Variants in SNTB1 observed in about 807,000 individuals in gnomAD.
The protein encoded by SNTB1 is syntrophin beta 1.
In SNTB1, 36 loss-of-function variants were observed where a neutral mutation model predicts 48.9. That is an observed-to-expected ratio of 0.74 (90% CI 0.56 to 0.97). The LOEUF is 0.97. SNTB1 is among the 50% of genes least tolerant of loss of function. SNTB1 has a pLI of 0.00. For synonymous variants in SNTB1, 299 were observed against 294.6 expected, an observed-to-expected ratio of 1.01 and a Z score of -0.15; for missense variants, 786 against 703.4, an observed-to-expected ratio of 1.12 and a Z score of -1.33.
At chr8:120,591,182 C>G (rs1002311996) in intron 3 of SNTB1, among the ~76,000 whole-genome samples, 3 of 152,178 alleles carry the variant, frequency 2.0e-5, no homozygotes, top group Admixed American at 2.0e-4. Context: ...GGATCATCAG[C>G]AAGTTCTGAA....
chr8:120,697,264 A>C (rs1385568905), intron 1 of SNTB1, among the ~76,000 whole-genome samples: 1 of 152,224 alleles, frequency 6.6e-6, no homozygotes, highest in Non-Finnish European at 1.5e-5. Context: ...ACTGCCTTGA[A>C]GAAGGGATAT....
chr8:120,654,931 A>C, intron 2 of SNTB1: 1 of 455,740 alleles, frequency 2.2e-6, no homozygotes, highest in Middle Eastern at 3.3e-4. Flanking sequence ...AGTCAGGAGG[A>C]TGAAGTCTTG....
chr8:120,597,103 A>T (rs1478909295), intron 3 of SNTB1, among the ~76,000 whole-genome samples: 3 of 152,204 alleles, frequency 2.0e-5, no homozygotes, highest in Non-Finnish European at 2.9e-5. Flanking sequence ...CAATCACAAG[A>T]GGGACATTTC....
chr8:120,651,748 C>T (rs764816696), intron 2 of SNTB1, among the ~76,000 whole-genome samples: 47 of 151,404 alleles, frequency 3.1e-4, no homozygotes, highest in Middle Eastern at 3.4e-3. Flanking sequence ...AAAAGGAAAA[C>T]GGAAAAAACT....
At chr8:120,555,165 G>A (rs886850507) in intron 4 of SNTB1, among the ~76,000 whole-genome samples, 20 of 152,282 alleles carry the variant, frequency 1.3e-4, no homozygotes, top group Non-Finnish European at 2.5e-4. Context: ...AGGAATATCC[G>A]GGGTTGTCCC....
chr8:120,686,562 T>C (rs1218292826), intron 2 of SNTB1, among the ~76,000 whole-genome samples: 2 of 146,316 alleles, frequency 1.4e-5, no homozygotes, highest in African/African-American at 5.0e-5. Flanking sequence ...CATTATTACG[T>C]TAAAGATTAG....
chr8:120,574,210 G>A (rs1453931780), intron 4 of SNTB1, among the ~76,000 whole-genome samples: 1 of 152,198 alleles, frequency 6.6e-6, no homozygotes, highest in African/African-American at 2.4e-5. Flanking sequence ...CCAGCGGGGA[G>A]AGGGAAATGG....
intron 1 of SNTB1, chr8:120,776,900 A>C (rs150687591): frequency 8.6e-4 from 131 of 152,348 alleles, no homozygotes; most frequent in African/African-American, 3.0e-3. Context: ...AAGCGTGCAG[A>C]TTAAAGTTCC....
intron 1 of SNTB1, among the ~76,000 whole-genome samples, chr8:120,726,991 A>G (rs933517811): frequency 6.6e-6 from 1 of 152,082 alleles, no homozygotes; most frequent in Admixed American, 6.5e-5. Flanking sequence ...TTCTTTTTGC[A>G]TTATGCTGCA....
chr8:120,621,848 C>A (rs886721772), intron 3 of SNTB1, among the ~76,000 whole-genome samples: 1 of 152,154 alleles, frequency 6.6e-6, no homozygotes, highest in African/African-American at 2.4e-5. Context: ...TGACTCAGAC[C>A]AAGTGCCTGG....
At chr8:120,721,034 A>G (rs1279472693) in intron 1 of SNTB1, among the ~76,000 whole-genome samples, 2 of 152,186 alleles carry the variant, frequency 1.3e-5, no homozygotes, top group African/African-American at 4.8e-5. Flanking sequence ...CAGCCTGGGT[A>G]GCCTCCCTGT....
chr8:120,760,897 A>T (rs1052148909), intron 1 of SNTB1, among the ~76,000 whole-genome samples: 4 of 152,260 alleles, frequency 2.6e-5, no homozygotes, highest in Admixed American at 1.3e-4. Context: ...GATATTTAAA[A>T]TTTTTTCTGC....
chr8:120,590,665 C>CTTTTG (rs1563825573), intron 3 of SNTB1, among the ~76,000 whole-genome samples: 2 of 145,874 alleles, frequency 1.4e-5, no homozygotes, highest in African/African-American at 5.3e-5. Flanking sequence ...AGGTTTCTTT[C>CTTTTG]TTTTGTTTTC....
chr8:120,712,684 A>T (rs184803210), intron 1 of SNTB1, among the ~76,000 whole-genome samples: 1 of 152,142 alleles, frequency 6.6e-6, no homozygotes, highest in African/African-American at 2.4e-5. Context: ...GCTTTTATTT[A>T]CCCTTTAACC....
At chr8:120,588,713 C>T (rs1816189779) in intron 3 of SNTB1, among the ~76,000 whole-genome samples, 1 of 152,170 alleles carries the variant, frequency 6.6e-6, no homozygotes, top group Non-Finnish European at 1.5e-5. Flanking sequence ...ATTACTTCTT[C>T]TCTGAGACTG....
At chr8:120,679,080 G>A (rs1303878850) in intron 2 of SNTB1, among the ~76,000 whole-genome samples, 1 of 152,168 alleles carries the variant, frequency 6.6e-6, no homozygotes, top group African/African-American at 2.4e-5. Flanking sequence ...TTCCCACTGG[G>A]TGCTAGGTCC....
chr8:120,605,701 A>G (rs1816502050), intron 3 of SNTB1, among the ~76,000 whole-genome samples: 3 of 152,172 alleles, frequency 2.0e-5, no homozygotes, highest in African/African-American at 7.2e-5. Context: ...TTGTTAAAAC[A>G]AAGTCCAGAT....
chr8:120,684,004 A>C (rs908636069), intron 2 of SNTB1, among the ~76,000 whole-genome samples: 12 of 152,210 alleles, frequency 7.9e-5, no homozygotes, highest in African/African-American at 2.9e-4. Context: ...AATACTTCTG[A>C]CTGGGAAACT....
intron 2 of SNTB1, among the ~76,000 whole-genome samples, chr8:120,663,468 A>C (rs1219242676): frequency 1.3e-5 from 2 of 152,018 alleles, no homozygotes; most frequent in Non-Finnish European, 2.9e-5. Flanking sequence ...CACCATGCCC[A>C]GTTAATTTTA....
Sources: gnomAD v4.1 joint callset for allele counts (sites outside exome capture counted in the v4.1 genomes callset) on GRCh38, gnomAD v4.1.1 for gene constraint, MANE v1.5 for transcripts, NCBI Gene and HGNC (gene_info 2026-07-23, HGNC 2026-07-21) for gene names.